NIBAN1: variants seen among roughly 807,000 people sequenced by gnomAD.
NIBAN1 encodes the protein protein Niban 1.
A neutral mutation model predicts 75.1 loss-of-function variants in NIBAN1; 81 were observed. The ratio of observed to expected loss-of-function variants is 1.08; its 90% CI spans 0.90 to 1.30. NIBAN1 has a LOEUF of 1.30. Ranked by LOEUF, NIBAN1 falls within the 50% of genes most tolerant of loss-of-function variation. The pLI is 0.00. For synonymous variants in NIBAN1, 436 were observed against 424.8 expected (o/e 1.03, Z -0.32); for missense variants, 1,133 against 1,128.1 (o/e 1.00, Z -0.06).
intron 1 of NIBAN1, among the ~76,000 whole-genome samples, chr1:184,973,197 C>A (rs781157868): frequency 3.9e-5 from 6 of 152,198 alleles, no homozygotes; most frequent in Non-Finnish European, 5.9e-5. Flanking sequence ...TGTTGAGGAT[C>A]TTTTACCTCC....
intron 1 of NIBAN1, among the ~76,000 whole-genome samples, chr1:184,972,162 A>T (rs776537567): frequency 1.1e-4 from 17 of 152,254 alleles, no homozygotes; most frequent in Non-Finnish European, 2.9e-5. Context: ...CTTAAAAGAA[A>T]GTTATTGTCT....
At chr1:184,962,747 T>C (rs1039623176) in intron 1 of NIBAN1, among the ~76,000 whole-genome samples, 1 of 152,130 alleles carries the variant, frequency 6.6e-6, no homozygotes, top group African/African-American at 2.4e-5. Context: ...AAATTGGAGC[T>C]TCAATAAAAT....
chr1:184,812,073 T>C (rs2102203955), intron 9 of NIBAN1, among the ~76,000 whole-genome samples: 1 of 152,334 alleles, frequency 6.6e-6, no homozygotes, highest in East Asian at 1.9e-4. Context: ...TCAGTGTCGC[T>C]GAAATGAATG....
chr1:184,835,183 T>G (rs1655104310), intron 5 of NIBAN1, among the ~76,000 whole-genome samples: 1 of 152,226 alleles, frequency 6.6e-6, no homozygotes, highest in South Asian at 2.1e-4. Flanking sequence ...GAGGCCTCTG[T>G]TCTGTTCCAT....
chr1:184,866,628 C>G (rs1571531039), intron 5 of NIBAN1, among the ~76,000 whole-genome samples: 1 of 152,122 alleles, frequency 6.6e-6, no homozygotes, highest in South Asian at 2.1e-4. Flanking sequence ...TCATAAGTTT[C>G]TTAGATTCCT....
At chr1:184,885,863 G>A (rs1656511526) in intron 4 of NIBAN1, among the ~76,000 whole-genome samples, 1 of 152,114 alleles carries the variant, frequency 6.6e-6, no homozygotes, top group Non-Finnish European at 1.5e-5. Flanking sequence ...ATGACTTCCA[G>A]GAGTGCCTCT....
chr1:184,865,183 T>C (rs1655920571), intron 5 of NIBAN1, among the ~76,000 whole-genome samples: 1 of 152,102 alleles, frequency 6.6e-6, no homozygotes, highest in South Asian at 2.1e-4. Context: ...GTTCAGCCAC[T>C]GTGGAAAGCA....
intron 4 of NIBAN1, among the ~76,000 whole-genome samples, chr1:184,887,494 A>T (rs1045834717): frequency 6.6e-6 from 1 of 152,202 alleles, no homozygotes; most frequent in African/African-American, 2.4e-5. Flanking sequence ...AGTAAGATAT[A>T]AGCTGAAGTG....
In NIBAN1 at chr1:184,831,957, T is replaced by C. The variant is rs1483710919; in HGVS notation, c.607A>G (p.Met203Val). Residue 203 changes from methionine to valine, a missense_variant, in exon 6 of 14, where the codon ATG becomes GTG. Coordinates refer to ENST00000367511, the MANE Select transcript of NIBAN1 (RefSeq NM_052966.4). ...DCVRHLNHDY[M>V]KQMTFEAQAF... ...TGGGCTTCAAATGTCATCTGCTTCA[T>C]GTAATCTAAAGAAAAGAAGAAAGGG... The C allele has an allele frequency of 6.2e-6, 10 of 1,612,216 alleles. No individual in the cohort carries two copies. The highest frequency in any genetic ancestry group is 2.7e-5 in the African/African-American group (2 of 74,856).
At position 184,952,138 on chromosome 1, in the gene NIBAN1, C is replaced by T. The variant is rs565315315; in HGVS notation, c.55+22164G>A. ...TAGATAGGCCAGGCATGATGGCTTA[C>T]GCCTATAATCCCAGCACTTTGGGAA... On this transcript the variant is annotated intron_variant, in intron 1 of 13. Transcript: ENST00000367511. Among the ~76,000 whole-genome samples the T allele has an allele frequency of 2.3e-4, 35 of 152,294 alleles. No homozygotes were observed. In the East Asian group the frequency reaches 4.4e-3, roughly 19 times the overall value.
chr1:184,883,598 CA>C (rs1358054465), intron 5 of NIBAN1, among the ~76,000 whole-genome samples: 2 of 152,222 alleles, frequency 1.3e-5, no homozygotes, highest in African/African-American at 4.8e-5. Flanking sequence ...ATTGATGTCA[CA>C]TTGCTTAAGT....
Position 184,794,663 on chromosome 1 carries a change from A to T in NIBAN1, c.*314T>A, listed in dbSNP as rs1653787240. On this transcript the variant is annotated 3_prime_UTR_variant, in exon 14 of 14. Transcript: ENST00000367511. ...AGTGCAGAGTATACTCAAAACTGTC[A>T]TCCTACTGTTTTCTCAGTCTTCCCT... The T allele has an allele frequency of 2.2e-6, 1 of 454,468 alleles. No homozygotes were observed. The highest frequency in any genetic ancestry group is 4.0e-6 in the Non-Finnish European group (1 of 247,180). The allele number at this position is 454,468 out of a possible 1,614,324, so 28.2% of individuals were successfully genotyped here.
intron 1 of NIBAN1, among the ~76,000 whole-genome samples, chr1:184,912,981 G>T (rs1394465368): frequency 1.3e-5 from 2 of 151,958 alleles, no homozygotes; most frequent in Non-Finnish European, 2.9e-5. Flanking sequence ...AGCAATCTGT[G>T]TTTCAGCAAG....
intron 12 of NIBAN1, among the ~76,000 whole-genome samples, chr1:184,799,108 T>C (rs1358447574): frequency 6.6e-6 from 1 of 152,148 alleles, no homozygotes; most frequent in Non-Finnish European, 1.5e-5. Flanking sequence ...TAGTTACATA[T>C]GTATACATGT....
intron 1 of NIBAN1, among the ~76,000 whole-genome samples, chr1:184,899,807 CTTTTTTTTTT>C (rs66802117): frequency 4.0e-5 from 4 of 100,332 alleles, no homozygotes; most frequent in East Asian, 3.2e-4. Context: ...ACATCACTCT[CTTTTTTTTTT>C]TTTTTTTTTT....
At chr1:184,950,506 C>T (rs1658334370) in intron 1 of NIBAN1, among the ~76,000 whole-genome samples, 3 of 152,176 alleles carry the variant, frequency 2.0e-5, no homozygotes, top group Admixed American at 1.3e-4. Context: ...ATTATGCACG[C>T]TTTCAGCAGC....
intron 1 of NIBAN1, among the ~76,000 whole-genome samples, chr1:184,967,202 TCC>T (rs1185627055): frequency 8.6e-5 from 9 of 105,242 alleles, no homozygotes; most frequent in Non-Finnish European, 2.1e-4. Context: ...TCTCTTTCCC[TCC>T]CTCTCTCTCT....
chr1:184,842,676 C>T (rs1655323505), intron 5 of NIBAN1, among the ~76,000 whole-genome samples: 1 of 140,302 alleles, frequency 7.1e-6, no homozygotes, highest in Non-Finnish European at 1.6e-5. Flanking sequence ...TCACTTGAAC[C>T]CGGGAGGCGG....
rs1658842045 is a variant in NIBAN1, at chr1:184,967,951, CCCAGCA to C, written c.55+6345_55+6350del. ...GGGCGCGGTGGCTCACGCCTGTAAT[CCCAGCA>C]CTTTGGGAGGCCGAGGCGGGTGGAT... On this transcript the variant is annotated intron_variant, in intron 1 of 13. Coordinates refer to ENST00000367511, the MANE Select transcript of NIBAN1 (RefSeq NM_052966.4). Among the ~76,000 whole-genome samples, 2 of 9,256 alleles carry C rather than the reference CCCAGCA, an allele frequency of 2.2e-4. 1 individual carries two copies. The highest frequency in any genetic ancestry group is 9.6e-4 in the Non-Finnish European group (2 of 2,086). The allele number at this position is 9,256 out of a possible 152,430, so 6.1% of individuals were successfully genotyped here. A position where few individuals can be genotyped will look rare whatever the true frequency, so the allele number is the denominator to read the frequency against.
Sources: allele counts gnomAD v4.1 joint callset (sites outside exome capture counted in the v4.1 genomes callset), GRCh38; gene constraint gnomAD v4.1.1; transcripts MANE v1.5; gene names NCBI Gene and HGNC (gene_info 2026-07-23, HGNC 2026-07-21).